The following GRID2 variants were observed in gnomAD, a reference collection of about 807,000 sequenced individuals.
GRID2 encodes glutamate receptor ionotropic, delta-2.
GRID2 carries 33 observed loss-of-function variants against 114.8 expected under a neutral mutation model. The ratio of observed to expected loss-of-function variants is 0.29; its 90% CI spans 0.22 to 0.38. The LOEUF is 0.38. Ranked by LOEUF, GRID2 falls within the 10% of genes least tolerant of loss-of-function variation. GRID2 has a pLI of 1.00. For missense variants in GRID2, 1,184 were observed against 1,257.7 expected (o/e 0.94, Z 0.89); for synonymous variants, 505 against 449.9 (o/e 1.12, Z -1.55).
chr4:93,142,843 A>C (rs1234733491), intron 4 of GRID2, among the ~76,000 whole-genome samples: 1 of 152,246 alleles, frequency 6.6e-6, no homozygotes, highest in Non-Finnish European at 1.5e-5. Flanking sequence ...GATACTGTTT[A>C]ATAAACAAAG....
At position 93,281,668 on chromosome 4, in the gene GRID2, A is replaced by G. The variant is rs150668994; in HGVS notation, c.1245+43178A>G. ...TGCCTTTGAATAGTTCCAAAGCTGT[A>G]TAGTTGGCTGAGTATTTTCTCTGCT... On this transcript the variant is annotated intron_variant, in intron 8 of 15. Coordinates refer to ENST00000282020, the MANE Select transcript of GRID2 (RefSeq NM_001510.4). Among the ~76,000 whole-genome samples, 58 of 152,130 alleles carry G rather than the reference A, an allele frequency of 3.8e-4. No homozygotes were observed. In the East Asian group the frequency reaches 9.3e-3, roughly 24 times the overall value.
chr4:92,879,144 A>T (rs1266786025), intron 2 of GRID2, among the ~76,000 whole-genome samples: 1 of 152,180 alleles, frequency 6.6e-6, no homozygotes, highest in East Asian at 1.9e-4. Context: ...ACTAGAAAAA[A>T]GATATAAAAT....
intron 2 of GRID2, among the ~76,000 whole-genome samples, chr4:92,903,026 C>T (rs998194605): frequency 9.9e-5 from 15 of 151,690 alleles, no homozygotes; most frequent in Non-Finnish European, 1.6e-4. Context: ...AGGATCGCTT[C>T]GGTTATTCAG....
intron 2 of GRID2, among the ~76,000 whole-genome samples, chr4:92,929,212 C>T (rs1750047857): frequency 6.6e-6 from 1 of 151,196 alleles, no homozygotes; most frequent in African/African-American, 2.4e-5. Flanking sequence ...AATGAAGCAC[C>T]TGTTAATATT....
Position 93,592,334 on chromosome 4 carries a change from G to C in GRID2, c.2194-33935G>C, listed in dbSNP as rs944721126. 1.2e-4 allele frequency among the ~76,000 whole-genome samples: 19 copies of C among 152,162 alleles called. No homozygotes were observed. The South Asian group carries it at 1.9e-3, about 15-fold the overall frequency. Reference sequence around the variant, plus strand: ...TATGTACCCAGTAGTCATTCAGGAGGAGGTTGTTCAGTTTCCATGTAGATG... The same window carrying C: ...TATGTACCCAGTAGTCATTCAGGAGCAGGTTGTTCAGTTTCCATGTAGATG... On this transcript the variant is annotated intron_variant, in intron 13 of 15. Coordinates refer to ENST00000282020, the MANE Select transcript of GRID2 (RefSeq NM_001510.4).
At chr4:92,426,792 C>G (rs904351253) in intron 1 of GRID2, among the ~76,000 whole-genome samples, 22 of 152,110 alleles carry the variant, frequency 1.4e-4, no homozygotes, top group Admixed American at 1.1e-3. Context: ...GGGACCTTCT[C>G]TCTCTTTTAT....
chr4:93,031,171 G>A (rs755278619), intron 2 of GRID2, among the ~76,000 whole-genome samples: 4 of 150,914 alleles, frequency 2.7e-5, no homozygotes, highest in African/African-American at 4.9e-5. Flanking sequence ...TCTGTCTCCC[G>A]AGTAGCTGGG....
At chr4:92,675,865 T>G (rs1733330321) in intron 2 of GRID2, among the ~76,000 whole-genome samples, 1 of 151,600 alleles carries the variant, frequency 6.6e-6, no homozygotes, top group Non-Finnish European at 1.5e-5. Context: ...GAGCTACCAT[T>G]TTTTTAGTGG....
rs143791150 is a variant in GRID2 at position 93,471,988 on chromosome 4, C to A, written c.1858+16014C>A. Among the ~76,000 whole-genome samples the A allele has an allele frequency of 6.9e-3, 1,038 of 150,584 alleles. 14 individuals are homozygous for A. The highest frequency in any genetic ancestry group is 0.023 in the African/African-American group (959 of 41,010). ...GTGCTGGAATTATAGGCTTGAGCCA[C>A]CTTGCCTAGCCTTGAATTTAATATT... On this transcript the variant is annotated intron_variant, in intron 11 of 15. Coordinates refer to ENST00000282020, the MANE Select transcript of GRID2 (RefSeq NM_001510.4).
At chr4:93,727,001 G>A (rs945738828) in intron 14 of GRID2, among the ~76,000 whole-genome samples, 2 of 152,090 alleles carry the variant, frequency 1.3e-5, no homozygotes, top group Non-Finnish European at 2.9e-5. Flanking sequence ...TGATTGCCCT[G>A]GCCAGAACTT....
chr4:92,841,388 A>G (rs1742881973), intron 2 of GRID2, among the ~76,000 whole-genome samples: 1 of 152,092 alleles, frequency 6.6e-6, no homozygotes, highest in African/African-American at 2.4e-5. Context: ...ATAATTTTAC[A>G]TATGCAGAAG....
chr4:92,718,621 G>T (rs1735659921), intron 2 of GRID2, among the ~76,000 whole-genome samples: 1 of 151,714 alleles, frequency 6.6e-6, no homozygotes, highest in Non-Finnish European at 1.5e-5. Context: ...TAAACAGCTA[G>T]ACATGATGTT....
At chr4:92,326,409 G>C (rs981471809) in intron 1 of GRID2, among the ~76,000 whole-genome samples, 14 of 151,780 alleles carry the variant, frequency 9.2e-5, no homozygotes, top group Middle Eastern at 3.2e-3. Context: ...AAGGATTACT[G>C]AACTAGTTTG....
intron 1 of GRID2, among the ~76,000 whole-genome samples, chr4:92,341,474 T>A (rs541159157): frequency 6.6e-6 from 1 of 152,210 alleles, no homozygotes; most frequent in Non-Finnish European, 1.5e-5. Flanking sequence ...TAGAGCTGCT[T>A]CTACCCCCAT....
chr4:93,739,941 C>G (rs989624264), intron 14 of GRID2, among the ~76,000 whole-genome samples: 13 of 152,144 alleles, frequency 8.5e-5, no homozygotes, highest in African/African-American at 3.1e-4. Flanking sequence ...AAATGCCACC[C>G]TGCCTCTTGT....
chr4:92,314,226 G>T (rs1725851835), intron 1 of GRID2, among the ~76,000 whole-genome samples: 2 of 151,978 alleles, frequency 1.3e-5, no homozygotes, highest in East Asian at 1.9e-4. Flanking sequence ...AAATTTCATA[G>T]AAATTTTTTA....
chr4:93,294,436 G>T (rs1383454967), intron 8 of GRID2, among the ~76,000 whole-genome samples: 1 of 152,192 alleles, frequency 6.6e-6, no homozygotes, highest in Non-Finnish European at 1.5e-5. Context: ...TGATGCATTT[G>T]TATGTGTGTA....
At chr4:93,353,520 C>T (rs1433660) in intron 8 of GRID2, among the ~76,000 whole-genome samples, 7 of 151,822 alleles carry the variant, frequency 4.6e-5, no homozygotes, top group African/African-American at 1.7e-4. Flanking sequence ...ACAGATGGTG[C>T]TGATAAAGAA....
At chr4:92,706,913 A>T (rs946019667) in intron 2 of GRID2, among the ~76,000 whole-genome samples, 2 of 152,136 alleles carry the variant, frequency 1.3e-5, no homozygotes, top group Non-Finnish European at 2.9e-5. Flanking sequence ...TATATTACTA[A>T]TTCCAGTCAT....
Sources: gnomAD v4.1 joint callset for allele counts (sites outside exome capture counted in the v4.1 genomes callset) on GRCh38, gnomAD v4.1.1 for gene constraint, MANE v1.5 for transcripts, NCBI Gene and HGNC (gene_info 2026-07-23, HGNC 2026-07-21) for gene names.